Variants in ST6GALNAC3 observed in about 807,000 individuals in gnomAD.
ST6GALNAC3 encodes the protein ST6 N-acetylgalactosaminide alpha-2,6-sialyltransferase 3.
ST6GALNAC3 carries 25 observed loss-of-function variants against 32.7 expected under a neutral mutation model. That is an observed-to-expected ratio of 0.76 (90% confidence interval 0.56 to 1.07). The LOEUF is 1.07. ST6GALNAC3 is among the 50% of genes least tolerant of loss of function. The pLI, the probability that ST6GALNAC3 is intolerant of heterozygous loss-of-function variation, is 0.00. For missense variants in ST6GALNAC3, 355 were observed against 382.4 expected, an observed-to-expected ratio of 0.93 and a Z score of 0.60; for synonymous variants, 129 against 133.1, an observed-to-expected ratio of 0.97 and a Z score of 0.21.
At chr1:76,193,660 C>T (rs1163181320) in intron 1 of ST6GALNAC3, among the ~76,000 whole-genome samples, 1 of 152,142 alleles carries the variant, frequency 6.6e-6, no homozygotes, top group African/African-American at 2.4e-5. Context: ...ACTGGGCTAA[C>T]TGTGTTACTC....
At chr1:76,437,450 G>A (rs192872670) in intron 3 of ST6GALNAC3, among the ~76,000 whole-genome samples, 3 of 151,682 alleles carry the variant, frequency 2.0e-5, no homozygotes, top group African/African-American at 4.8e-5. Context: ...GTGCTTTTCC[G>A]ATTTCCAAGG....
At position 76,292,044 on chromosome 1, in the gene ST6GALNAC3, C is replaced by T. The variant is rs1407314845; in HGVS notation, c.19-21761C>T. Among the ~76,000 whole-genome samples, 3 of 152,236 alleles carry T rather than the reference C, an allele frequency of 2.0e-5. No homozygotes were observed. In the East Asian group the frequency reaches 5.8e-4, roughly 29 times the overall value. On this transcript the variant is annotated intron_variant, in intron 1 of 4. Transcript: ENST00000328299. Reference sequence around the variant, plus strand: ...ATTTATGGCCAAAAGACTTAGCAGCCTCACTGAGGAAATCTTATAGCACCA... The same window carrying T: ...ATTTATGGCCAAAAGACTTAGCAGCTTCACTGAGGAAATCTTATAGCACCA...
At chr1:76,356,543 A>G (rs1649462895) in intron 2 of ST6GALNAC3, among the ~76,000 whole-genome samples, 1 of 151,786 alleles carries the variant, frequency 6.6e-6, no homozygotes, top group Non-Finnish European at 1.5e-5. Context: ...TGGATTTGTT[A>G]ATGTTGTTAT....
chr1:76,192,599 G>T (rs1653963064), intron 1 of ST6GALNAC3, among the ~76,000 whole-genome samples: 1 of 152,160 alleles, frequency 6.6e-6, no homozygotes, highest in Admixed American at 6.6e-5. Flanking sequence ...CTTGTTTCAG[G>T]GGCTTGTGTT....
Position 76,562,449 on chromosome 1 carries a change from A to T in ST6GALNAC3, c.624-65003A>T, listed in dbSNP as rs193039099. Among the ~76,000 whole-genome samples, 314 of 152,258 alleles carry T rather than the reference A, an allele frequency of 2.1e-3. 2 individuals carry two copies. Among genetic ancestry groups the T allele is most frequent in the Admixed American group, 6.0e-3 (91 of 15,290 alleles). ...ATGATATAGTGGGAACAAATGCAGGATGATGTGGTGGTAACTAGGCACACT... is the reference window on the plus strand; with the variant it reads ...ATGATATAGTGGGAACAAATGCAGGTTGATGTGGTGGTAACTAGGCACACT... On this transcript the variant is annotated intron_variant, in intron 3 of 4. Transcript: ENST00000328299.
intron 3 of ST6GALNAC3, among the ~76,000 whole-genome samples, chr1:76,622,426 G>A (rs1039481379): frequency 2.0e-5 from 3 of 151,894 alleles, no homozygotes; most frequent in Non-Finnish European, 4.4e-5. Context: ...AGAAAATCAG[G>A]GGACTGTGAA....
intron 3 of ST6GALNAC3, among the ~76,000 whole-genome samples, chr1:76,461,866 G>A (rs1176247904): frequency 6.6e-6 from 1 of 152,128 alleles, no homozygotes; most frequent in Non-Finnish European, 1.5e-5. Context: ...TTAAGTAGTT[G>A]TTTGGTTAGT....
At chr1:76,346,007 A>G (rs993880179) in intron 2 of ST6GALNAC3, among the ~76,000 whole-genome samples, 1 of 150,258 alleles carries the variant, frequency 6.7e-6, no homozygotes, top group African/African-American at 2.4e-5. Context: ...GCCACCCCCT[A>G]TAAAATGTCA....
intron 3 of ST6GALNAC3, among the ~76,000 whole-genome samples, chr1:76,600,998 A>T (rs1390040386): frequency 2.0e-5 from 3 of 152,108 alleles, no homozygotes; most frequent in Non-Finnish European, 4.4e-5. Context: ...CCTGGGCAAC[A>T]TGGTGAGGTA....
chr1:76,422,228 T>G (rs1433688990), intron 3 of ST6GALNAC3, among the ~76,000 whole-genome samples: 2 of 152,012 alleles, frequency 1.3e-5, no homozygotes, highest in Non-Finnish European at 2.9e-5. Context: ...GAAAAACAAT[T>G]GAATAAAGGA....
chr1:76,180,253 G>T (rs1291187543), intron 1 of ST6GALNAC3, among the ~76,000 whole-genome samples: 1 of 152,178 alleles, frequency 6.6e-6, no homozygotes, highest in Admixed American at 6.5e-5. Flanking sequence ...GTGACACTCA[G>T]TAAGTTACTT....
At chr1:76,460,119 A>T (rs1257601908) in intron 3 of ST6GALNAC3, among the ~76,000 whole-genome samples, 2 of 152,132 alleles carry the variant, frequency 1.3e-5, no homozygotes, top group African/African-American at 4.8e-5. Context: ...GAAGGTTCAA[A>T]TTTCTTCACA....
intron 1 of ST6GALNAC3, among the ~76,000 whole-genome samples, chr1:76,169,781 TGTA>T (rs773368413): frequency 1.3e-4 from 20 of 152,218 alleles, no homozygotes; most frequent in Non-Finnish European, 2.9e-4. Flanking sequence ...ATGAAATTCT[TGTA>T]GTGTGTTTTT....
At chr1:76,224,897 C>A (rs1213061886) in intron 1 of ST6GALNAC3, among the ~76,000 whole-genome samples, 2 of 152,090 alleles carry the variant, frequency 1.3e-5, no homozygotes, top group Non-Finnish European at 2.9e-5. Context: ...CTATTGTGAT[C>A]ATCTGATGAC....
At chr1:76,188,577 G>A (rs1162018711) in intron 1 of ST6GALNAC3, among the ~76,000 whole-genome samples, 2 of 152,116 alleles carry the variant, frequency 1.3e-5, no homozygotes, top group African/African-American at 2.4e-5. Flanking sequence ...CAATATGGGA[G>A]TTAGGGGCAC....
At chr1:76,328,321 G>A (rs1181003228) in intron 2 of ST6GALNAC3, among the ~76,000 whole-genome samples, 1 of 152,174 alleles carries the variant, frequency 6.6e-6, no homozygotes, top group Non-Finnish European at 1.5e-5. Flanking sequence ...AAGTAGAGGA[G>A]TTGAGATTTT....
At chr1:76,277,595 TATATATATATATATATACAC>T (rs1557747323) in intron 1 of ST6GALNAC3, among the ~76,000 whole-genome samples, 5 of 49,136 alleles carry the variant, frequency 1.0e-4, no homozygotes, top group East Asian at 2.4e-3. Context: ...TATGTGTATA[TATATATATATATATATACAC>T]ACACACACAC....
intron 2 of ST6GALNAC3, among the ~76,000 whole-genome samples, chr1:76,352,063 T>A (rs961282476): frequency 7.2e-5 from 11 of 152,078 alleles, no homozygotes; most frequent in African/African-American, 2.4e-4. Flanking sequence ...ATAAGTAGGA[T>A]AAAATTGTCT....
chr1:76,404,377 C>T (rs1049751555), intron 2 of ST6GALNAC3, among the ~76,000 whole-genome samples: 4 of 152,080 alleles, frequency 2.6e-5, no homozygotes, highest in African/African-American at 9.7e-5. Flanking sequence ...CAATTCTTTG[C>T]TCACAGTTAA....
Sources: allele counts gnomAD v4.1 joint callset (sites outside exome capture counted in the v4.1 genomes callset), GRCh38; gene constraint gnomAD v4.1.1; transcripts MANE v1.5; gene names NCBI Gene and HGNC (gene_info 2026-07-23, HGNC 2026-07-21).